CCNC: variants seen among roughly 807,000 people sequenced by gnomAD.
The protein encoded by CCNC is cyclin-C.
A neutral mutation model predicts 50.0 loss-of-function variants in CCNC; 19 were observed. The ratio of observed to expected loss-of-function variants is 0.38; its 90% CI spans 0.27 to 0.56. The LOEUF is 0.56. Ranked by LOEUF, CCNC falls within the 20% of genes least tolerant of loss-of-function variation. The pLI is 0.72. For missense variants in CCNC, 200 were observed against 327.1 expected, an observed-to-expected ratio of 0.61 and a Z score of 3.00; for synonymous variants, 93 against 103.7, an observed-to-expected ratio of 0.90 and a Z score of 0.63.
intron 5 of CCNC, among the ~76,000 whole-genome samples, chr6:99,553,485 C>T (rs1446995581): frequency 6.6e-6 from 1 of 152,138 alleles, no homozygotes; most frequent in Non-Finnish European, 1.5e-5. Flanking sequence ...AATCCTTTTC[C>T]TCCAACTTGG....
At chr6:99,562,779 A>T in intron 2 of CCNC, 63 bp downstream of exon 2, 1 of 876,916 alleles carries the variant, frequency 1.1e-6, no homozygotes. Flanking sequence ...ATTACCACAC[A>T]AAAACATTTT....
At chr6:99,568,350 G>T (rs1769244486) in intron 1 of CCNC, 146 bp downstream of exon 1, 2 of 737,110 alleles carry the variant, frequency 2.7e-6, no homozygotes, top group African/African-American at 1.8e-5. Context: ...TCAGAAAAGC[G>T]CATCTTGATT....
chr6:99,563,470 C>T (rs1768944325), intron 1 of CCNC, among the ~76,000 whole-genome samples: 2 of 152,134 alleles, frequency 1.3e-5, no homozygotes, highest in Non-Finnish European at 2.9e-5. Context: ...GTCAAGTGTG[C>T]TATTTTTAAC....
rs188667923 is a variant in CCNC at position 99,559,884 on chromosome 6, T to C, written c.295-1336A>G. Among the ~76,000 whole-genome samples, 348 of 152,110 alleles carry C rather than the reference T, an allele frequency of 2.3e-3. 2 individuals carry two copies. The highest frequency in any genetic ancestry group is 7.9e-3 in the African/African-American group (329 of 41,478). ...ACAGGCATCTGCCACCACATCCGGC[T>C]AATTTTTGTATTTTTAGTAGAGACG... On this transcript the variant is annotated intron_variant, in intron 4 of 11. Transcript: ENST00000520429.
intron 5 of CCNC, among the ~76,000 whole-genome samples, chr6:99,555,747 A>G (rs1180092579): frequency 6.6e-6 from 1 of 152,164 alleles, no homozygotes; most frequent in Non-Finnish European, 1.5e-5. Flanking sequence ...TGGCCTGTGC[A>G]ACTCTTAAAT....
intron 10 of CCNC, 28 bp downstream of exon 10, chr6:99,546,367 C>G: frequency 6.9e-7 from 1 of 1,456,824 alleles, no homozygotes; most frequent in South Asian, 1.1e-5. Flanking sequence ...TTTTAAACAT[C>G]CAAGTTTACA....
chr6:99,566,285 GGTTT>G (rs1769119700), intron 1 of CCNC, among the ~76,000 whole-genome samples: 1 of 150,604 alleles, frequency 6.6e-6, no homozygotes, highest in Non-Finnish European at 1.5e-5. Context: ...TGTTTCTTTA[GGTTT>G]ATTTCATGTT....
At chr6:99,555,016 C>T (rs1012851843) in intron 5 of CCNC, among the ~76,000 whole-genome samples, 8 of 152,134 alleles carry the variant, frequency 5.3e-5, no homozygotes, top group South Asian at 4.1e-4. Flanking sequence ...TGTAAATTCC[C>T]GCTCCAACAA....
intron 8 of CCNC, 64 bp downstream of exon 8, chr6:99,550,154 A>G: frequency 8.7e-7 from 1 of 1,146,344 alleles, no homozygotes; most frequent in Non-Finnish European, 1.3e-6. Context: ...TTAACTTCAT[A>G]TTTAATTGTC....
chr6:99,568,388 C>A, intron 1 of CCNC, 108 bp downstream of exon 1: 1 of 1,114,270 alleles, frequency 9.0e-7, no homozygotes, highest in Non-Finnish European at 1.3e-6. Context: ...CCGTGAGGAC[C>A]CCGGCACTCG....
intron 8 of CCNC, among the ~76,000 whole-genome samples, chr6:99,549,817 TAAC>T (rs753321010): frequency 1.1e-4 from 16 of 152,128 alleles, no homozygotes; most frequent in Non-Finnish European, 1.8e-4. Context: ...CAAAATCTCA[TAAC>T]AAATTATAAA....
intron 11 of CCNC, 31 bp downstream of exon 11, chr6:99,545,081 A>C: frequency 9.8e-7 from 1 of 1,017,090 alleles, no homozygotes; most frequent in Non-Finnish European, 1.6e-6. Context: ...ATATGATTAA[A>C]TGACATCAAT....
intron 1 of CCNC, among the ~76,000 whole-genome samples, chr6:99,563,897 C>T (rs894275151): frequency 6.6e-6 from 1 of 151,776 alleles, no homozygotes; most frequent in African/African-American, 2.4e-5. Flanking sequence ...TAATTAATAG[C>T]TGGTATAAAA....
rs773787788 is a variant in CCNC at position 99,549,501 on chromosome 6, T to G, written c.598+7A>C. 2 of 1,593,844 alleles carry G rather than the reference T, an allele frequency of 1.3e-6. No homozygotes were observed. The highest frequency in any genetic ancestry group is 1.7e-6 in the Non-Finnish European group (2 of 1,162,112). On this transcript the variant is annotated splice_region_variant and intron_variant, in intron 9 of 11. Coordinates refer to ENST00000520429, the MANE Select transcript of CCNC (RefSeq NM_005190.4). ...TTAACTCATAAAGGCACACCATGCT[T>G]ACATACCTAAAGCTATCATGAAAGG...
chr6:99,562,658 T>A, intron 2 of CCNC, 184 bp downstream of exon 2: 1 of 510,296 alleles, frequency 2.0e-6, no homozygotes, highest in Non-Finnish European at 3.4e-6. Flanking sequence ...TATGTAAAAT[T>A]CACACAAAAA....
chr6:99,552,848 C>G (rs1802358144), intron 5 of CCNC, among the ~76,000 whole-genome samples: 1 of 152,070 alleles, frequency 6.6e-6, no homozygotes, highest in African/African-American at 2.4e-5. Flanking sequence ...TTCGAGACCT[C>G]CTGGACAACA....
chr6:99,548,123 G>T (rs1176134280), intron 9 of CCNC, among the ~76,000 whole-genome samples: 2 of 152,152 alleles, frequency 1.3e-5, no homozygotes, highest in Non-Finnish European at 2.9e-5. Context: ...AAGGAAGATG[G>T]ATATAAAGAA....
At chr6:99,555,890 A>G (rs1802491771) in intron 5 of CCNC, among the ~76,000 whole-genome samples, 3 of 152,152 alleles carry the variant, frequency 2.0e-5, no homozygotes, top group Admixed American at 2.0e-4. Flanking sequence ...TTTCAGTACC[A>G]GCTTCAGCTC....
At chr6:99,549,704 C>T (rs1426035602) in intron 8 of CCNC, 129 bp from the exon 9 acceptor site, 4 of 572,116 alleles carry the variant, frequency 7.0e-6, no homozygotes, top group Non-Finnish European at 1.2e-5. Context: ...TGAAGCACAG[C>T]TATAAAAGTG....
Sources: gnomAD v4.1 joint callset for allele counts (sites outside exome capture counted in the v4.1 genomes callset) on GRCh38, gnomAD v4.1.1 for gene constraint, MANE v1.5 for transcripts, NCBI Gene and HGNC (gene_info 2026-07-23, HGNC 2026-07-21) for gene names.